PCYT1A: variants seen among roughly 807,000 people sequenced by gnomAD.
PCYT1A encodes the protein choline-phosphate cytidylyltransferase A.
PCYT1A carries 25 observed loss-of-function variants against 43.7 expected under a neutral mutation model. The observed-to-expected ratio is 0.57, with a 90% CI of 0.42 to 0.80. The LOEUF (loss-of-function observed/expected upper bound fraction) is 0.80, where lower values mean the gene tolerates loss of function less well. Ranked by LOEUF, PCYT1A falls within the 30% of genes least tolerant of loss-of-function variation. The pLI is 0.00. For missense variants in PCYT1A, 421 were observed against 474.2 expected (o/e 0.89, Z 1.04); for synonymous variants, 172 against 170.7 (o/e 1.01, Z -0.06).
rs1178451167 is a variant in PCYT1A, at chr3:196,247,362, C to G, written c.486+5G>C. On this transcript the variant is annotated splice_donor_5th_base_variant and intron_variant, in intron 5 of 8. Coordinates refer to ENST00000431016, the MANE Select transcript of PCYT1A (RefSeq NM_001312673.2). The surrounding 1 kb of genome is among the most constrained non-coding windows in gnomAD (Gnocchi z 4.8). The stretch of plus-strand genomic sequence containing the variant: ...AGGAATGGGAATATGTGTCCAGTTT[C>G]TTACCCGGTGTTCGGCCAGGAACTC... 6.2e-7 allele frequency: 1 copy of G among 1,613,742 alleles called. No homozygotes were observed. The highest frequency in any genetic ancestry group is 2.2e-5 in the East Asian group (1 of 44,892).
chr3:196,247,245 C>T lies in PCYT1A; in HGVS notation c.486+122G>A, dbSNP rs566915405. ...CTAGTAATATCACTGTCATCTCCTA[C>T]GAAACTTACATAAGAGGTAGAAGTA... On this transcript the variant is annotated intron_variant, in intron 5 of 8. Transcript: ENST00000431016. The surrounding 1 kb of genome is among the most constrained non-coding windows in gnomAD (Gnocchi z 4.8). 3.1e-4 allele frequency: 311 copies of T among 996,226 alleles called. 4 individuals are homozygous for T. The East Asian group carries it at 7.1e-3, about 23-fold the overall frequency. The allele number at this position is 996,226 out of a possible 1,614,324, so 61.7% of individuals were successfully genotyped here. A position where few individuals can be genotyped will look rare whatever the true frequency, so the allele number is the denominator to read the frequency against.
intron 5 of PCYT1A, chr3:196,243,293 A>G (rs1577354915): frequency 6.6e-6 from 1 of 151,550 alleles, no homozygotes; most frequent in Non-Finnish European, 1.5e-5. Flanking sequence ...GCACCACTGC[A>G]CTCCAGCCTG....
chr3:196,282,451 T>A lies in PCYT1A; in HGVS notation c.-11+5164A>T, dbSNP rs1449935538. On this transcript the variant is annotated intron_variant, in intron 1 of 8. Coordinates refer to ENST00000431016, the MANE Select transcript of PCYT1A (RefSeq NM_001312673.2). This position sits in a 1 kb window ranked among gnomAD's most constrained non-coding sequence, Gnocchi z 4.3. ...TGATAGAATTCAGGAAGTCTGTGAA[T>A]TTGGATGAAAAAGACTGTATCTTTA... 6.6e-6 allele frequency among the ~76,000 whole-genome samples: 1 copy of A among 152,206 alleles called. No homozygotes were observed. Among genetic ancestry groups the A allele is most frequent in the Non-Finnish European group, 1.5e-5 (1 of 68,038 alleles).
chr3:196,267,971 G>A (rs1725325561), intron 2 of PCYT1A, among the ~76,000 whole-genome samples: 3 of 152,218 alleles, frequency 2.0e-5, no homozygotes, highest in Admixed American at 2.0e-4. Context: ...AGGTGGGCCA[G>A]GCTGTTGGGT....
chr3:196,278,967 C>A (rs1416276916), intron 1 of PCYT1A, among the ~76,000 whole-genome samples: 1 of 112,622 alleles, frequency 8.9e-6, no homozygotes, highest in African/African-American at 3.5e-5. Flanking sequence ...GGTGACAGAG[C>A]AAGACCTCAT....
intron 1 of PCYT1A, among the ~76,000 whole-genome samples, chr3:196,285,090 T>G (rs1725870588): frequency 6.6e-6 from 1 of 152,188 alleles, no homozygotes; most frequent in Non-Finnish European, 1.5e-5. Context: ...ATTAATACAC[T>G]GTACGATAAA....
chr3:196,251,486 T>G (rs1372672388), intron 3 of PCYT1A: 1 of 152,834 alleles, frequency 6.5e-6, no homozygotes, highest in Non-Finnish European at 1.5e-5. Context: ...TACTCATAAA[T>G]AAGTAGATTT....
chr3:196,286,486 C>T lies in PCYT1A; in HGVS notation c.-11+1129G>A, dbSNP rs553890658. ...TTTAAAGTACATTTTGCTTCTTACA[C>T]TTTGAGATGTACAAAATCTATTTTA... On this transcript the variant is annotated intron_variant, in intron 1 of 8. Coordinates refer to ENST00000431016, the MANE Select transcript of PCYT1A (RefSeq NM_001312673.2). Among the ~76,000 whole-genome samples the T allele has an allele frequency of 9.2e-5, 14 of 152,322 alleles. No homozygotes were observed. The South Asian group carries it at 2.5e-3, about 27-fold the overall frequency.
rs191871965 is a variant in PCYT1A, at chr3:196,264,674, T to A, written c.117+5741A>T. Among the ~76,000 whole-genome samples the A allele has an allele frequency of 3.3e-4, 50 of 152,066 alleles. No individual in the cohort carries two copies. The Middle Eastern group carries it at 0.01, about 31-fold the overall frequency. ...TTAGCCATAAGCAGAACTATGGCCA[T>A]CCTGACCCACCAACCCAGGCATCTA... is the stretch of plus-strand genomic sequence containing the variant. On this transcript the variant is annotated intron_variant, in intron 2 of 8. Coordinates refer to ENST00000431016, the MANE Select transcript of PCYT1A (RefSeq NM_001312673.2).
chr3:196,259,962 G>A (rs1206524080), intron 2 of PCYT1A, among the ~76,000 whole-genome samples: 5 of 102,426 alleles, frequency 4.9e-5, no homozygotes, highest in Admixed American at 1.6e-4. Context: ...TTGCTCTGTC[G>A]CCCAGGCTGG....
intron 1 of PCYT1A, among the ~76,000 whole-genome samples, chr3:196,272,146 G>C (rs1301586330): frequency 2.2e-5 from 1 of 46,242 alleles, no homozygotes; most frequent in Non-Finnish European, 3.9e-5. Flanking sequence ...GAATAGCTAG[G>C]ACCAGCATAA....
intron 2 of PCYT1A, among the ~76,000 whole-genome samples, chr3:196,260,081 C>A (rs774932044): frequency 6.6e-6 from 1 of 151,600 alleles, no homozygotes; most frequent in Non-Finnish European, 1.5e-5. Context: ...CACCACCACA[C>A]CTGGCTGATT....
chr3:196,266,468 A>G (rs935265642), intron 2 of PCYT1A, among the ~76,000 whole-genome samples: 21 of 151,822 alleles, frequency 1.4e-4, no homozygotes, highest in Admixed American at 6.6e-4. Context: ...GCAAGACTCC[A>G]TCTCAAAAAA....
At chr3:196,245,537 C>G (rs1724535590) in intron 5 of PCYT1A, among the ~76,000 whole-genome samples, 1 of 152,188 alleles carries the variant, frequency 6.6e-6, no homozygotes, top group African/African-American at 2.4e-5. Flanking sequence ...TTCACTTACT[C>G]CTTCCTGTAT....
intron 1 of PCYT1A, among the ~76,000 whole-genome samples, chr3:196,284,402 C>T (rs907654164): frequency 4.6e-5 from 7 of 152,098 alleles, no homozygotes; most frequent in African/African-American, 1.7e-4. Flanking sequence ...AAATTACATA[C>T]AAAATTTGGT....
chr3:196,275,833 C>G (rs1725571435), intron 1 of PCYT1A, among the ~76,000 whole-genome samples: 1 of 152,032 alleles, frequency 6.6e-6, no homozygotes, highest in South Asian at 2.1e-4. Context: ...CACGGTGGCT[C>G]ACACCTGTAA....
At chr3:196,285,356 G>C (rs757193065) in intron 1 of PCYT1A, among the ~76,000 whole-genome samples, 1 of 152,174 alleles carries the variant, frequency 6.6e-6, no homozygotes, top group African/African-American at 2.4e-5. Flanking sequence ...CTATTCAGGA[G>C]GCTGAGGTAG....
intron 5 of PCYT1A, among the ~76,000 whole-genome samples, chr3:196,245,339 C>T (rs1322952813): frequency 6.6e-6 from 1 of 152,040 alleles, no homozygotes; most frequent in Non-Finnish European, 1.5e-5. Flanking sequence ...AGGGTTTCAC[C>T]GTGTTGGCCA....
chr3:196,270,579 G>T, intron 1 of PCYT1A, 38 bp from the exon 2 acceptor site: 1 of 1,387,792 alleles, frequency 7.2e-7, no homozygotes, highest in Non-Finnish European at 1.0e-6. Context: ...TTTCTCATTG[G>T]GGTGGGAAAA....
Sources: allele counts gnomAD v4.1 joint callset (sites outside exome capture counted in the v4.1 genomes callset), GRCh38; gene constraint gnomAD v4.1.1; non-coding constraint Gnocchi (gnomAD v3.1); transcripts MANE v1.5; gene names NCBI Gene and HGNC (gene_info 2026-07-23, HGNC 2026-07-21).